The following ABCC12 variants were observed in gnomAD, a reference collection of about 807,000 sequenced individuals.
The protein encoded by ABCC12 is ATP-binding cassette sub-family C member 12.
A neutral mutation model predicts 151.1 loss-of-function variants in ABCC12; 142 were observed. The observed-to-expected ratio is 0.94, with a 90% CI of 0.82 to 1.08. ABCC12 has a LOEUF of 1.08. ABCC12 is among the 50% of genes least tolerant of loss of function. The pLI, the probability that ABCC12 is intolerant of heterozygous loss-of-function variation, is 0.00. For missense variants in ABCC12, 1,638 were observed against 1,691.1 expected (o/e 0.97, Z 0.55); for synonymous variants, 645 against 646.4 (o/e 1.00, Z 0.03).
In ABCC12 at chr16:48,082,525, G is replaced by A. The variant is rs996844354; in HGVS notation, c.*1190C>T. Among the ~76,000 whole-genome samples the A allele has an allele frequency of 6.6e-6, 1 of 152,206 alleles. No homozygotes were observed. Among genetic ancestry groups the A allele is most frequent in the South Asian group, 2.1e-4 (1 of 4,830 alleles). The stretch of plus-strand genomic sequence containing the variant: ...AGTTCATTAGATGCTGTCATTCATG[G>A]CTGCCACAAGTGTTTCCCGAGTGCT... On this transcript the variant is annotated 3_prime_UTR_variant, in exon 31 of 31. Transcript: ENST00000311303.
At chr16:48,140,520 G>A (rs772595894) in intron 6 of ABCC12, among the ~76,000 whole-genome samples, 167 bp downstream of exon 6, 5 of 152,054 alleles carry the variant, frequency 3.3e-5, no homozygotes, top group Non-Finnish European at 7.4e-5. Context: ...GAACTCCTCT[G>A]GTGTTCTGTG....
rs1962385659 is a variant in ABCC12, at chr16:48,082,546, G to A, written c.*1169C>T. ...CATGGCTGCCACAAGTGTTTCCCGA[G>A]TGCTTCCAGGTGCCAGGCACTCCTT... On this transcript the variant is annotated 3_prime_UTR_variant, in exon 31 of 31. Coordinates refer to ENST00000311303, the MANE Select transcript of ABCC12 (RefSeq NM_001393797.1). Among the ~76,000 whole-genome samples the A allele has an allele frequency of 6.6e-6, 1 of 152,212 alleles. No homozygotes were observed. The highest frequency in any genetic ancestry group is 1.5e-5 in the Non-Finnish European group (1 of 68,040).
intron 25 of ABCC12, 44 bp downstream of exon 25, chr16:48,091,076 C>G: frequency 6.3e-7 from 1 of 1,591,600 alleles, no homozygotes; most frequent in Non-Finnish European, 8.6e-7. Flanking sequence ...CCAAGTCCTG[C>G]CAAAATTAAC....
chr16:48,088,395 G>T, intron 26 of ABCC12, 150 bp downstream of exon 26: 1 of 961,692 alleles, frequency 1.0e-6, no homozygotes, highest in Non-Finnish European at 1.5e-6. Context: ...CATTCAACCT[G>T]AAATCCTAAT....
intron 24 of ABCC12, among the ~76,000 whole-genome samples, chr16:48,093,165 C>T (rs1232655059): frequency 6.6e-6 from 1 of 152,160 alleles, no homozygotes; most frequent in Non-Finnish European, 1.5e-5. Flanking sequence ...ACGCACAGAA[C>T]AGCCCCTCAC....
At chr16:48,132,349 C>T (rs943386111) in intron 9 of ABCC12, among the ~76,000 whole-genome samples, 1 of 152,130 alleles carries the variant, frequency 6.6e-6, no homozygotes, top group Non-Finnish European at 1.5e-5. Context: ...AAAAGCAACT[C>T]ACCAAGAAAC....
intron 8 of ABCC12, among the ~76,000 whole-genome samples, chr16:48,136,071 A>T (rs552125227): frequency 1.6e-4 from 24 of 152,270 alleles, no homozygotes; most frequent in African/African-American, 5.8e-4. Context: ...CCTTTTTGAC[A>T]GGAGAGCAAA....
chr16:48,124,031 GC>G (rs1388402070), intron 12 of ABCC12, among the ~76,000 whole-genome samples, 181 bp downstream of exon 12: 1 of 152,242 alleles, frequency 6.6e-6, no homozygotes. Context: ...GAAAAACTCA[GC>G]CTCATCTGGC....
chr16:48,137,677 G>A (rs564488069), intron 8 of ABCC12, among the ~76,000 whole-genome samples: 2 of 152,148 alleles, frequency 1.3e-5, no homozygotes, highest in Non-Finnish European at 2.9e-5. Context: ...CTGAGTCTAT[G>A]TCAGCAATTA....
intron 13 of ABCC12, among the ~76,000 whole-genome samples, chr16:48,120,530 C>T (rs547590096): frequency 3.3e-5 from 5 of 151,152 alleles, no homozygotes; most frequent in African/African-American, 7.3e-5. Context: ...GAAATGTCCA[C>T]GGTGATCACG....
chr16:48,124,737 G>T (rs896477256), intron 11 of ABCC12, among the ~76,000 whole-genome samples: 5 of 152,212 alleles, frequency 3.3e-5, no homozygotes, highest in Admixed American at 2.0e-4. Flanking sequence ...TTACTGAGAA[G>T]TTACACTATT....
intron 13 of ABCC12, among the ~76,000 whole-genome samples, chr16:48,118,434 T>A (rs1356429434): frequency 6.6e-6 from 1 of 152,206 alleles, no homozygotes; most frequent in Non-Finnish European, 1.5e-5. Flanking sequence ...TTGTGCTCCC[T>A]CCCAGCAGCT....
chr16:48,143,986 C>T lies in ABCC12; in HGVS notation c.199G>A (p.Gly67Ser), dbSNP rs1567458481. The change falls in exon 4 of 31, where the codon GGC becomes AGC. Residue 67 changes from glycine (G) to serine (S), a missense_variant. Physicochemically the swap from Gly to Ser is moderately conservative, Grantham distance 56. Transcript: ENST00000311303. Reference protein sequence around the residue: ...FSWLTPVMVKGYRQRLTVDTL... With the variant: ...FSWLTPVMVKSYRQRLTVDTL... Reference sequence around the variant, plus strand: ...TCTACGGTCAGCCTTTGCCGGTAGCCTTTCACCATCACCGGCGTGAGCCAG... The same window carrying T: ...TCTACGGTCAGCCTTTGCCGGTAGCTTTTCACCATCACCGGCGTGAGCCAG... The T allele has an allele frequency of 1.2e-6, 2 of 1,614,202 alleles. No homozygotes were observed. The highest frequency in any genetic ancestry group is 2.2e-5 in the South Asian group (2 of 91,082).
rs991519115 is a variant in ABCC12 at position 48,141,130 on chromosome 16, G to A, written c.423+76C>T. 4.5e-5 allele frequency: 71 copies of A among 1,569,764 alleles called. 2 individuals are homozygous for A. Among genetic ancestry groups the A allele is most frequent in the South Asian group, 3.3e-4 (28 of 85,006 alleles). On this transcript the variant is annotated intron_variant, in intron 5 of 30. Transcript: ENST00000311303. ...GACAATGCACTAAACCCACCAGCTCGTAGAGAAAGTAACTAATGACATTCT... is the reference window on the plus strand; with the variant it reads ...GACAATGCACTAAACCCACCAGCTCATAGAGAAAGTAACTAATGACATTCT...
intron 9 of ABCC12, among the ~76,000 whole-genome samples, chr16:48,131,459 G>A (rs558085892): frequency 1.3e-5 from 2 of 152,166 alleles, no homozygotes; most frequent in East Asian, 3.9e-4. Context: ...CACCACACAA[G>A]GCCAGATTTG....
chr16:48,142,133 T>A (rs1035866477), intron 4 of ABCC12, among the ~76,000 whole-genome samples: 2 of 152,074 alleles, frequency 1.3e-5, no homozygotes, highest in Non-Finnish European at 1.5e-5. Context: ...ACTGTGTGAA[T>A]ATTTACAGAG....
chr16:48,081,129 C>T lies in ABCC12; in HGVS notation c.*2586G>A, dbSNP rs1282469118. On this transcript the variant is annotated 3_prime_UTR_variant, in exon 31 of 31. Coordinates refer to ENST00000311303, the MANE Select transcript of ABCC12 (RefSeq NM_001393797.1). The stretch of plus-strand genomic sequence containing the variant: ...ACCTCCTAAAGGCCCTACCTCTATA[C>T]TGTCACACTGAGGATTATGTTTCAA... Among the ~76,000 whole-genome samples the T allele has an allele frequency of 6.6e-6, 1 of 152,124 alleles. No individual in the cohort carries two copies. The highest frequency in any genetic ancestry group is 1.9e-4 in the East Asian group (1 of 5,198).
At chr16:48,149,633 C>T (rs1025831672) in intron 2 of ABCC12, among the ~76,000 whole-genome samples, 2 of 145,140 alleles carry the variant, frequency 1.4e-5, no homozygotes, top group Non-Finnish European at 3.0e-5. Context: ...TTGATAAATT[C>T]TAGTACACTG....
In ABCC12 at chr16:48,140,916, A is replaced by T. The variant is rs1279944858; in HGVS notation, c.428T>A (p.Val143Asp). The change falls in exon 6 of 31, where the codon GTT becomes GAT. Residue 143 changes from valine to aspartate, a missense_variant. Physicochemically the swap from Val to Asp is radical, Grantham distance 152. Coordinates refer to ENST00000311303, the MANE Select transcript of ABCC12 (RefSeq NM_001393797.1). ...CIIMAAIGPT[V>D]LIHQILQQTE... ...CTGCTGGAGGATTTGGTGAATGAGA[A>T]CTGTCTGTAAAACAGCATGGTGGGG... The T allele has an allele frequency of 6.2e-7, 1 of 1,613,478 alleles. No homozygotes were observed. The highest frequency in any genetic ancestry group is 8.5e-7 in the Non-Finnish European group (1 of 1,179,748).
Sources: gnomAD v4.1 joint callset for allele counts (sites outside exome capture counted in the v4.1 genomes callset) on GRCh38, gnomAD v4.1.1 for gene constraint, MANE v1.5 for transcripts, NCBI Gene and HGNC (gene_info 2026-07-23, HGNC 2026-07-21) for gene names.